Variants in BST1 observed in about 807,000 individuals in gnomAD.
BST1 encodes the protein bone marrow stromal cell antigen 1, also known as ADP-ribosyl cyclase/cyclic ADP-ribose hydrolase 2.
Under a neutral mutation model 40.6 loss-of-function variants are expected in BST1, and 49 were observed. That is an observed-to-expected ratio of 1.21 (90% CI 0.96 to 1.53). The LOEUF is 1.53. Among genes scored for constraint, BST1 ranks in the 40% most tolerant of loss-of-function variants. BST1 has a pLI of 0.00. For missense variants in BST1, 423 were observed against 395.9 expected, an observed-to-expected ratio of 1.07 and a Z score of -0.58; for synonymous variants, 157 against 159.3, an observed-to-expected ratio of 0.99 and a Z score of 0.11.
the BST1 span, among the ~76,000 whole-genome samples, chr4:15,750,189 T>A: frequency 6.6e-6 from 1 of 152,250 alleles, no homozygotes; most frequent in East Asian, 1.9e-4. Flanking sequence ...TATGCCCAGC[T>A]AATTTTTGTA....
At chr4:15,744,883 G>A in the BST1 span, among the ~76,000 whole-genome samples, 2 of 152,202 alleles carry the variant, frequency 1.3e-5, no homozygotes, top group East Asian at 3.8e-4. Flanking sequence ...GAACTGATAT[G>A]AAGAGTTAAA....
the BST1 span, among the ~76,000 whole-genome samples, chr4:15,769,313 G>A: frequency 6.6e-6 from 1 of 152,218 alleles, no homozygotes; most frequent in African/African-American, 2.4e-5. Context: ...ACCACATACT[G>A]GGCATGGTTC....
At chr4:15,755,673 T>C in the BST1 span, among the ~76,000 whole-genome samples, 9 of 152,212 alleles carry the variant, frequency 5.9e-5, no homozygotes, top group Admixed American at 2.0e-4. Flanking sequence ...AAATGCTGAG[T>C]CCAGATGTCA....
chr4:15,717,440 C>T (rs1466899237), intron 6 of BST1, among the ~76,000 whole-genome samples: 1 of 152,200 alleles, frequency 6.6e-6, no homozygotes, highest in East Asian at 1.9e-4. Context: ...TGTGTATCTA[C>T]CTCTGTTTGC....
At chr4:15,743,178 T>A (rs1227619370), downstream of BST1, 1 of 159,544 alleles carries the variant, frequency 6.3e-6, no homozygotes, top group African/African-American at 2.4e-5. Context: ...TTCCCTTGCA[T>A]AATTTTACAT....
intron 6 of BST1, among the ~76,000 whole-genome samples, chr4:15,717,554 G>A (rs1303355195): frequency 6.6e-6 from 1 of 152,216 alleles, no homozygotes; most frequent in African/African-American, 2.4e-5. Flanking sequence ...TTATCAGGGT[G>A]TAATTTGGCT....
the BST1 span, among the ~76,000 whole-genome samples, chr4:15,744,493 T>A: frequency 6.6e-6 from 1 of 152,210 alleles, no homozygotes; most frequent in Non-Finnish European, 1.5e-5. Flanking sequence ...ACCGCCCCCA[T>A]AATCCAATCA....
chr4:15,707,948 G>GC (rs1222146069), intron 3 of BST1, among the ~76,000 whole-genome samples: 1 of 149,904 alleles, frequency 6.7e-6, no homozygotes, highest in Admixed American at 6.7e-5. Flanking sequence ...CTCATTTGAT[G>GC]CCCACAACAA....
chr4:15,756,130 T>C, the BST1 span, among the ~76,000 whole-genome samples: 1 of 152,046 alleles, frequency 6.6e-6, no homozygotes, highest in Non-Finnish European at 1.5e-5. Context: ...CACACCACCA[T>C]GAACAACAAA....
chr4:15,761,653 A>G, the BST1 span, among the ~76,000 whole-genome samples: 6 of 151,942 alleles, frequency 3.9e-5, no homozygotes, highest in Admixed American at 1.3e-4. Flanking sequence ...TCTGTGCTTG[A>G]GCTTGCATGA....
At chr4:15,711,991 C>A in intron 4 of BST1, 102 bp downstream of exon 4, 1 of 907,574 alleles carries the variant, frequency 1.1e-6, no homozygotes, top group South Asian at 1.4e-5. Context: ...CTCAACTTCT[C>A]TGAGCCTCAC....
At chr4:15,737,066 C>G (rs567521123), downstream of BST1, among the ~76,000 whole-genome samples, 1 of 152,326 alleles carries the variant, frequency 6.6e-6, no homozygotes, top group East Asian at 1.9e-4. Flanking sequence ...ACTCACTTAC[C>G]TTACCTGAGC....
chr4:15,743,887 A>G, the BST1 span, among the ~76,000 whole-genome samples: 1 of 152,212 alleles, frequency 6.6e-6, no homozygotes, highest in South Asian at 2.1e-4. Context: ...TGGTCAGACC[A>G]GTAAACAGCA....
the BST1 span, among the ~76,000 whole-genome samples, chr4:15,751,357 C>G: frequency 2.0e-5 from 3 of 152,030 alleles, no homozygotes; most frequent in South Asian, 6.2e-4. Context: ...GTCACATGAC[C>G]ACCATGGGCC....
downstream of BST1, among the ~76,000 whole-genome samples, chr4:15,742,997 G>A (rs1721781245): frequency 6.6e-6 from 1 of 152,220 alleles, no homozygotes; most frequent in Non-Finnish European, 1.5e-5. Flanking sequence ...AGTTTCAGAT[G>A]AGCCACTTAT....
chr4:15,734,438 T>C (rs566062780), downstream of BST1, among the ~76,000 whole-genome samples: 1 of 152,176 alleles, frequency 6.6e-6, no homozygotes, highest in East Asian at 1.9e-4. Context: ...ATGATGAAAA[T>C]GTCTAAAGTA....
downstream of BST1, among the ~76,000 whole-genome samples, chr4:15,739,277 G>A (rs905717402): frequency 3.3e-5 from 5 of 152,136 alleles, no homozygotes; most frequent in African/African-American, 1.2e-4. Flanking sequence ...TTATGTATTT[G>A]TGTTTTCTTG....
chr4:15,742,394 T>C (rs557706453), downstream of BST1, among the ~76,000 whole-genome samples: 1 of 152,326 alleles, frequency 6.6e-6, no homozygotes, highest in South Asian at 2.1e-4. Flanking sequence ...CTTCCCCTAC[T>C]GCCATGTGAT....
At chr4:15,752,665 A>G in the BST1 span, among the ~76,000 whole-genome samples, 3 of 151,944 alleles carry the variant, frequency 2.0e-5, no homozygotes, top group African/African-American at 7.3e-5. Flanking sequence ...TCTTATATCT[A>G]TAGAATGAAC....
Sources: gnomAD v4.1 joint callset for allele counts (sites outside exome capture counted in the v4.1 genomes callset) on GRCh38, gnomAD v4.1.1 for gene constraint, MANE v1.5 for transcripts, NCBI Gene and HGNC (gene_info 2026-07-23, HGNC 2026-07-21) for gene names.